MACROD2: variants seen among roughly 807,000 people sequenced by gnomAD.
MACROD2 encodes ADP-ribose glycohydrolase MACROD2.
In MACROD2, 36 loss-of-function variants were observed where a neutral mutation model predicts 70.4. The ratio of observed to expected loss-of-function variants is 0.51; its 90% CI spans 0.39 to 0.68. MACROD2 has a LOEUF of 0.68. Ranked by LOEUF, MACROD2 falls within the 30% of genes least tolerant of loss-of-function variation. The pLI, the probability that MACROD2 is intolerant of heterozygous loss-of-function variation, is 0.00. For synonymous variants in MACROD2, 172 were observed against 178.8 expected (o/e 0.96, Z 0.30); for missense variants, 496 against 538.4 (o/e 0.92, Z 0.78).
At chr20:14,123,289 C>T (rs572352992) in intron 3 of MACROD2, among the ~76,000 whole-genome samples, 1 of 152,208 alleles carries the variant, frequency 6.6e-6, no homozygotes, top group East Asian at 1.9e-4. Context: ...CATATAGGAC[C>T]TTTAGTTACC....
intron 3 of MACROD2, among the ~76,000 whole-genome samples, chr20:14,393,881 G>C (rs1449440076): frequency 6.6e-6 from 1 of 152,122 alleles, no homozygotes; most frequent in African/African-American, 2.4e-5. Flanking sequence ...TAGGATTACT[G>C]TCCTTATAAG....
At chr20:15,229,844 C>G in intron 5 of MACROD2, 96 bp from the exon 6 acceptor site, 8 of 1,286,648 alleles carry the variant, frequency 6.2e-6, no homozygotes, top group East Asian at 2.7e-5. Flanking sequence ...TCTCCAGGCT[C>G]TAACACAAAT....
At chr20:14,242,879 C>T (rs2081940791) in intron 3 of MACROD2, among the ~76,000 whole-genome samples, 1 of 152,132 alleles carries the variant, frequency 6.6e-6, no homozygotes, top group Admixed American at 6.5e-5. Flanking sequence ...GGATTTTCAT[C>T]CATTATTCTA....
intron 3 of MACROD2, among the ~76,000 whole-genome samples, chr20:14,329,506 TAGG>T (rs1205997597): frequency 6.6e-6 from 1 of 152,042 alleles, no homozygotes; most frequent in African/African-American, 2.4e-5. Context: ...ACAAATAAAG[TAGG>T]AGCCAAAGTT....
intron 4 of MACROD2, among the ~76,000 whole-genome samples, chr20:14,671,538 C>G (rs74606242): frequency 0.026 from 3,920 of 152,198 alleles, 125 homozygotes; most frequent in African/African-American, 0.067. Flanking sequence ...AGAGAAGCAT[C>G]TCTTGGTTTT....
intron 6 of MACROD2, among the ~76,000 whole-genome samples, chr20:15,250,838 A>G (rs1464663775): frequency 1.3e-5 from 2 of 152,184 alleles, no homozygotes; most frequent in African/African-American, 4.8e-5. Flanking sequence ...GAGGGTAGGG[A>G]CAAGGTCTGC....
intron 8 of MACROD2, among the ~76,000 whole-genome samples, chr20:15,811,203 A>ATTCTG (rs2063817904): frequency 6.6e-6 from 1 of 152,030 alleles, no homozygotes; most frequent in East Asian, 1.9e-4. Flanking sequence ...CAAAGGGCTA[A>ATTCTG]TATCCAGAAT....
At chr20:14,866,091 A>G (rs1186716372) in intron 5 of MACROD2, among the ~76,000 whole-genome samples, 2 of 152,132 alleles carry the variant, frequency 1.3e-5, no homozygotes, top group African/African-American at 4.8e-5. Context: ...CAAAATGACT[A>G]TATATGAAAT....
chr20:16,031,338 G>A (rs61575670), intron 15 of MACROD2, among the ~76,000 whole-genome samples: 1 of 152,282 alleles, frequency 6.6e-6, no homozygotes, highest in East Asian at 1.9e-4. Flanking sequence ...CACTGCTGGA[G>A]ATTGCGGAGA....
At chr20:15,694,596 C>T (rs189512662) in intron 8 of MACROD2, among the ~76,000 whole-genome samples, 22 of 151,860 alleles carry the variant, frequency 1.4e-4, no homozygotes, top group African/African-American at 5.3e-4. Flanking sequence ...TGTTTGAGTT[C>T]ATTGTAGATT....
intron 5 of MACROD2, among the ~76,000 whole-genome samples, chr20:15,088,096 A>C (rs1178057771): frequency 6.6e-6 from 1 of 151,946 alleles, no homozygotes; most frequent in Non-Finnish European, 1.5e-5. Context: ...TTGCAAATTA[A>C]TCAGATAATA....
chr20:15,214,586 A>C (rs2076792646), intron 5 of MACROD2, among the ~76,000 whole-genome samples: 1 of 152,208 alleles, frequency 6.6e-6, no homozygotes, highest in African/African-American at 2.4e-5. Context: ...TGCAAGAAAT[A>C]ACAAAACATA....
intron 5 of MACROD2, among the ~76,000 whole-genome samples, chr20:15,124,388 T>G (rs1464369634): frequency 6.6e-6 from 1 of 150,564 alleles, no homozygotes; most frequent in Non-Finnish European, 1.5e-5. Flanking sequence ...AAGATAAAAT[T>G]ACAAGCTTTA....
At chr20:14,498,200 T>C (rs1273065037) in intron 4 of MACROD2, among the ~76,000 whole-genome samples, 1 of 150,424 alleles carries the variant, frequency 6.6e-6, no homozygotes, top group East Asian at 1.9e-4. Context: ...ACCTGGGTGA[T>C]AGGTGATAGG....
intron 5 of MACROD2, among the ~76,000 whole-genome samples, chr20:14,826,434 A>C (rs777751936): frequency 1.3e-5 from 2 of 151,958 alleles, no homozygotes; most frequent in African/African-American, 2.4e-5. Flanking sequence ...GTGTATTTTC[A>C]ATTTGTTTTA....
chr20:14,747,302 G>A (rs1390418237), intron 5 of MACROD2, among the ~76,000 whole-genome samples: 3 of 152,128 alleles, frequency 2.0e-5, no homozygotes, highest in Non-Finnish European at 4.4e-5. Flanking sequence ...GGGGTTGGGG[G>A]TAGAATTACT....
chr20:14,059,922 A>G (rs1601171957), intron 2 of MACROD2, among the ~76,000 whole-genome samples: 1 of 152,318 alleles, frequency 6.6e-6, no homozygotes, highest in Non-Finnish European at 1.5e-5. Flanking sequence ...CTTGGAAGTC[A>G]GTAATAGACC....
intron 7 of MACROD2, among the ~76,000 whole-genome samples, chr20:15,460,154 A>AGTTGGG (rs2046787980): frequency 6.6e-6 from 1 of 152,106 alleles, no homozygotes; most frequent in Non-Finnish European, 1.5e-5. Context: ...GTTTTCAGCC[A>AGTTGGG]CTCTACTCCC....
At chr20:15,316,540 A>T (rs1256615545) in intron 6 of MACROD2, among the ~76,000 whole-genome samples, 1 of 152,110 alleles carries the variant, frequency 6.6e-6, no homozygotes, top group Non-Finnish European at 1.5e-5. Context: ...GAGCCAAAAG[A>T]TATGAAGCAA....
Sources: gnomAD v4.1 joint callset for allele counts (sites outside exome capture counted in the v4.1 genomes callset) on GRCh38, gnomAD v4.1.1 for gene constraint, MANE v1.5 for transcripts, NCBI Gene and HGNC (gene_info 2026-07-23, HGNC 2026-07-21) for gene names.